Variants in SH3RF3 observed in about 807,000 individuals in gnomAD.
SH3RF3 encodes E3 ubiquitin-protein ligase SH3RF3.
In SH3RF3, 29 loss-of-function variants were observed where a neutral mutation model predicts 66.3. The ratio of observed to expected loss-of-function variants is 0.44; its 90% confidence interval spans 0.33 to 0.60. The LOEUF is 0.60. Ranked by LOEUF, SH3RF3 falls within the 20% of genes least tolerant of loss-of-function variation. SH3RF3 has a pLI of 0.04. For synonymous variants in SH3RF3, 583 were observed against 532.0 expected, an observed-to-expected ratio of 1.10 and a Z score of -1.32; for missense variants, 1,194 against 1,190.9, an observed-to-expected ratio of 1.00 and a Z score of -0.04.
chr2:109,169,656 A>G (rs537549041), intron 1 of SH3RF3, among the ~76,000 whole-genome samples: 151 of 152,188 alleles, frequency 9.9e-4, no homozygotes, highest in African/African-American at 3.3e-3. Context: ...ATGTATTTGA[A>G]CATAGCATGT....
intron 1 of SH3RF3, among the ~76,000 whole-genome samples, chr2:109,302,637 C>T (rs1574560704): frequency 2.0e-5 from 3 of 152,190 alleles, no homozygotes; most frequent in African/African-American, 2.4e-5. Context: ...CAGCCCAGGC[C>T]GCCAGGTCTG....
At chr2:109,193,542 C>G (rs1042082019) in intron 1 of SH3RF3, among the ~76,000 whole-genome samples, 8 of 152,122 alleles carry the variant, frequency 5.3e-5, no homozygotes, top group African/African-American at 1.2e-4. Flanking sequence ...CTTTCATTCC[C>G]CATGATGTTT....
intron 8 of SH3RF3, among the ~76,000 whole-genome samples, chr2:109,474,782 G>A (rs1444928442): frequency 6.6e-6 from 1 of 152,206 alleles, no homozygotes; most frequent in Non-Finnish European, 1.5e-5. Context: ...CACACCCTGG[G>A]ACAGGAAGCA....
chr2:109,313,909 G>C (rs1281733089), intron 1 of SH3RF3, among the ~76,000 whole-genome samples: 1 of 152,118 alleles, frequency 6.6e-6, no homozygotes, highest in Non-Finnish European at 1.5e-5. Flanking sequence ...TGAAAGGTGT[G>C]TTGGGACCCG....
At chr2:109,367,823 C>CTA (rs1229117955) in intron 2 of SH3RF3, among the ~76,000 whole-genome samples, 1 of 152,166 alleles carries the variant, frequency 6.6e-6, no homozygotes, top group African/African-American at 2.4e-5. Context: ...CTAGGAGTGG[C>CTA]TATTTGTAGC....
At chr2:109,257,520 T>G (rs1209511978) in intron 1 of SH3RF3, among the ~76,000 whole-genome samples, 2 of 152,120 alleles carry the variant, frequency 1.3e-5, no homozygotes, top group Non-Finnish European at 2.9e-5. Context: ...AGAGTCTGGC[T>G]GGGAGGTTGT....
At position 109,199,330 on chromosome 2, in the gene SH3RF3, A is replaced by ATAAAATAAATAAAAT. The variant is rs1558953522; in HGVS notation, c.573+69217_573+69218insTAAAATAAATAAAAT. On this transcript the variant is annotated intron_variant, in intron 1 of 9. Transcript: ENST00000309415. ...GAGTGAGACTCCATCTCAAAAAGTA[A>ATAAAATAAATAAAAT]AATGGAATGGAATGGAATGGAATGG... Among the ~76,000 whole-genome samples the ATAAAATAAATAAAAT allele has an allele frequency of 8.0e-5, 12 of 150,552 alleles. No homozygotes were observed. In the East Asian group the frequency reaches 9.7e-4, roughly 12 times the overall value.
At chr2:109,138,075 G>A (rs963913499) in intron 1 of SH3RF3, among the ~76,000 whole-genome samples, 5 of 152,198 alleles carry the variant, frequency 3.3e-5, no homozygotes, top group Non-Finnish European at 5.9e-5. Flanking sequence ...GAGTGCAGTG[G>A]CACGATCTCG....
At chr2:109,380,770 C>T (rs925468710) in intron 3 of SH3RF3, among the ~76,000 whole-genome samples, 24 of 152,176 alleles carry the variant, frequency 1.6e-4, no homozygotes, top group African/African-American at 5.5e-4. Flanking sequence ...CCAGGCAATC[C>T]CTGCCCACCA....
chr2:109,219,029 T>C (rs1679166295), intron 1 of SH3RF3, among the ~76,000 whole-genome samples: 1 of 152,230 alleles, frequency 6.6e-6, no homozygotes, highest in South Asian at 2.1e-4. Context: ...TTGGCTGCAG[T>C]GCCATTTGGG....
intron 2 of SH3RF3, among the ~76,000 whole-genome samples, chr2:109,364,944 A>G (rs1683126833): frequency 6.6e-6 from 1 of 152,162 alleles, no homozygotes; most frequent in Non-Finnish European, 1.5e-5. Flanking sequence ...TGCAAAAATT[A>G]ACTGGGTGTA....
chr2:109,474,412 G>C (rs140099199), intron 8 of SH3RF3, among the ~76,000 whole-genome samples: 4 of 152,316 alleles, frequency 2.6e-5, no homozygotes, highest in Non-Finnish European at 5.9e-5. Context: ...TAACAGAGAA[G>C]GAGGGGCTGT....
intron 5 of SH3RF3, among the ~76,000 whole-genome samples, chr2:109,425,964 C>T (rs1258165736): frequency 6.6e-6 from 1 of 152,122 alleles, no homozygotes; most frequent in Non-Finnish European, 1.5e-5. Flanking sequence ...GTGGCATGAT[C>T]TTGGCTCACT....
chr2:109,282,659 G>T (rs1680925532), intron 1 of SH3RF3, among the ~76,000 whole-genome samples: 1 of 152,202 alleles, frequency 6.6e-6, no homozygotes, highest in South Asian at 2.1e-4. Flanking sequence ...ACCCTTGTTT[G>T]CTTGGAGCAC....
At chr2:109,137,869 T>C (rs960374433) in intron 1 of SH3RF3, among the ~76,000 whole-genome samples, 1 of 152,256 alleles carries the variant, frequency 6.6e-6, no homozygotes, top group Non-Finnish European at 1.5e-5. Flanking sequence ...TACTAAACAC[T>C]TGGAGTGCTC....
intron 3 of SH3RF3, among the ~76,000 whole-genome samples, chr2:109,376,763 T>A (rs1683395337): frequency 6.6e-6 from 1 of 152,204 alleles, no homozygotes. Flanking sequence ...TAGACCCTCA[T>A]GCCCTCACCC....
chr2:109,324,544 C>A (rs1261744622), intron 1 of SH3RF3, among the ~76,000 whole-genome samples: 1 of 152,176 alleles, frequency 6.6e-6, no homozygotes, highest in Non-Finnish European at 1.5e-5. Context: ...ATGAAAGTTA[C>A]AACTGTCATC....
chr2:109,229,853 C>T (rs1295501166), intron 1 of SH3RF3, among the ~76,000 whole-genome samples: 1 of 141,310 alleles, frequency 7.1e-6, no homozygotes, highest in Non-Finnish European at 1.5e-5. Flanking sequence ...GAGGCGGAGT[C>T]TCGCTCTGTT....
chr2:109,197,598 G>C (rs181440606), intron 1 of SH3RF3, among the ~76,000 whole-genome samples: 1 of 152,190 alleles, frequency 6.6e-6, no homozygotes, highest in Non-Finnish European at 1.5e-5. Context: ...CCTGTGCTTG[G>C]GGTTTAATGC....
Sources: gnomAD v4.1 joint callset for allele counts (sites outside exome capture counted in the v4.1 genomes callset) on GRCh38, gnomAD v4.1.1 for gene constraint, MANE v1.5 for transcripts, NCBI Gene and HGNC (gene_info 2026-07-23, HGNC 2026-07-21) for gene names.